GIMAP8: variants seen among roughly 807,000 people sequenced by gnomAD.
GIMAP8 encodes GTPase IMAP family member 8.
A neutral mutation model predicts 35.6 loss-of-function variants in GIMAP8; 29 were observed. That is an observed-to-expected ratio of 0.81 (90% CI 0.61 to 1.11). The LOEUF (loss-of-function observed/expected upper bound fraction) is 1.11, where lower values mean the gene tolerates loss of function less well. Ranked by LOEUF, GIMAP8 falls within the 50% of genes most tolerant of loss-of-function variation. The pLI is 0.00. For synonymous variants in GIMAP8, 335 were observed against 308.7 expected (o/e 1.09, Z -0.89); for missense variants, 811 against 805.0 (o/e 1.01, Z -0.09).
At chr7:150,455,662 T>G (rs1004966799) in intron 1 of GIMAP8, among the ~76,000 whole-genome samples, 3 of 152,218 alleles carry the variant, frequency 2.0e-5, no homozygotes, top group Non-Finnish European at 2.9e-5. Context: ...CCAGAGCTTG[T>G]TAAATTTGAA....
chr7:150,473,859 A>T (rs1323465420), intron 3 of GIMAP8, among the ~76,000 whole-genome samples, 153 bp from the exon 4 acceptor site: 1 of 152,066 alleles, frequency 6.6e-6, no homozygotes, highest in Non-Finnish European at 1.5e-5. Context: ...TTTCACCTTG[A>T]TGGAGAGCTT....
intron 1 of GIMAP8, among the ~76,000 whole-genome samples, chr7:150,458,162 G>A (rs928481265): frequency 2.0e-5 from 3 of 152,292 alleles, no homozygotes; most frequent in East Asian, 3.9e-4. Context: ...GTGTGTGTAT[G>A]TGTAAGATAC....
Position 150,477,818 on chromosome 7 carries a change from C to A in GIMAP8, c.*38C>A, listed in dbSNP as rs991443873. 2 of 1,538,856 alleles carry A rather than the reference C, an allele frequency of 1.3e-6. No individual in the cohort carries two copies. Among genetic ancestry groups the A allele is most frequent in the African/African-American group, 2.8e-5 (2 of 72,492 alleles). On this transcript the variant is annotated 3_prime_UTR_variant, in exon 5 of 5. Transcript: ENST00000307271. Reference sequence around the variant, plus strand: ...CCTGGGGTCTCTTCAATTAGAGACACCCTCAGGTTGGGGGGAGGGGCGGGG... The same window carrying A: ...CCTGGGGTCTCTTCAATTAGAGACAACCTCAGGTTGGGGGGAGGGGCGGGG...
Position 150,470,853 on chromosome 7 carries a change from CAA to C in GIMAP8, c.662_663del (p.Gln221ArgfsTer57), listed in dbSNP as rs1249871235. The C allele has an allele frequency of 6.4e-7, 1 of 1,562,926 alleles. No homozygotes were observed. Among genetic ancestry groups the C allele is most frequent in the Non-Finnish European group, 8.7e-7 (1 of 1,149,112 alleles). ...FQDCVNEAASQEGDKPQGPRE... is the reference protein window; with the variant it reads ...FQDCVNEAASXEGDKPQGPRE... ...GGATTGTGTGAATGAAGCTGCATCT[CAA>C]GAGGGAGACAAGCCACAGGGTAAGT... On this transcript the variant is annotated frameshift_variant, in exon 3 of 5. Coordinates refer to ENST00000307271, the MANE Select transcript of GIMAP8 (RefSeq NM_175571.4). LOFTEE classifies it high-confidence loss of function.
chr7:150,473,084 C>T (rs1802131779), intron 3 of GIMAP8, among the ~76,000 whole-genome samples: 1 of 152,168 alleles, frequency 6.6e-6, no homozygotes, highest in South Asian at 2.1e-4. Flanking sequence ...GATGCTGTGT[C>T]CATCCCACCT....
Position 150,477,451 on chromosome 7 carries a change from A to G in GIMAP8, c.1669A>G (p.Thr557Ala). 1 of 1,613,756 alleles carries G rather than the reference A, an allele frequency of 6.2e-7. No homozygotes were observed. The highest frequency in any genetic ancestry group is 8.5e-7 in the Non-Finnish European group (1 of 1,179,630). Residue 557 changes from threonine (T) to alanine (A), a missense_variant, in exon 5 of 5, where the codon ACG becomes GCG. Coordinates refer to ENST00000307271, the MANE Select transcript of GIMAP8 (RefSeq NM_175571.4). Reference sequence around the variant, plus strand: ...GGAGGCCATCTTTGGAGCAGACTTTACGAAATACGCGATTATGCTGTTCAC... The same window carrying G: ...GGAGGCCATCTTTGGAGCAGACTTTGCGAAATACGCGATTATGCTGTTCAC... Reference protein sequence around the residue: ...KLEAIFGADFTKYAIMLFTRK... With the variant: ...KLEAIFGADFAKYAIMLFTRK...
In GIMAP8 at chr7:150,467,043, G is replaced by C. The variant is rs770684528; in HGVS notation, c.345G>C (p.Lys115Asn). The change falls in exon 2 of 5, where the codon AAG (lysine) becomes AAC (asparagine). Residue 115 changes from lysine to asparagine, a missense_variant. Coordinates refer to ENST00000307271, the MANE Select transcript of GIMAP8 (RefSeq NM_175571.4). ...HFTREDEETA[K>N]GIQQVFGAEA... ...CAAGGGAGGATGAGGAAACAGCCAA[G>C]GGCATCCAACAAGTGTTTGGAGCTG... 1.2e-6 allele frequency: 2 copies of C among 1,614,094 alleles called. No individual in the cohort carries two copies. Among genetic ancestry groups the C allele is most frequent in the Non-Finnish European group, 1.7e-6 (2 of 1,180,036 alleles).
chr7:150,474,014 C>A lies in GIMAP8; in HGVS notation c.685C>A (p.Pro229Thr). 1 of 1,610,924 alleles carries A rather than the reference C, an allele frequency of 6.2e-7. No homozygotes were observed. The highest frequency in any genetic ancestry group is 8.5e-7 in the Non-Finnish European group (1 of 1,178,488). Residue 229 changes from proline to threonine, a missense_variant and splice_region_variant, in exon 4 of 5, where the codon CCA becomes ACA. By Grantham distance (38) the Pro-to-Thr change is conservative. Coordinates refer to ENST00000307271, the MANE Select transcript of GIMAP8 (RefSeq NM_175571.4). Reference protein sequence around the residue: ...ASQEGDKPQGPRERQLQSTGP... With the variant: ...ASQEGDKPQGTRERQLQSTGP... The stretch of plus-strand genomic sequence containing the variant: ...GAACCTGTCCATTTGTCCCACAGGC[C>A]CAAGGGAAAGGCAGCTGCAGTCCAC...
In GIMAP8 at chr7:150,451,609, C is replaced by G. The variant is rs182606735; in HGVS notation, c.-29+434C>G. On this transcript the variant is annotated intron_variant, in intron 1 of 4. Transcript: ENST00000307271. This position sits in a 1 kb window ranked among gnomAD's most constrained non-coding sequence, Gnocchi z 4.1. ...GAGACTGGCAGAAGGGAGGAAGAAG[C>G]AGGCGGAAGCAGCCGGTCAGATGCC... Among the ~76,000 whole-genome samples the G allele has an allele frequency of 6.6e-6, 1 of 152,268 alleles. No homozygotes were observed. Among genetic ancestry groups the G allele is most frequent in the East Asian group, 1.9e-4 (1 of 5,166 alleles).
intron 1 of GIMAP8, among the ~76,000 whole-genome samples, chr7:150,457,689 C>T (rs1291593877): frequency 2.0e-5 from 3 of 152,160 alleles, no homozygotes; most frequent in Non-Finnish European, 4.4e-5. Context: ...CACAGAAGGG[C>T]CAGTCCAAAT....
intron 1 of GIMAP8, among the ~76,000 whole-genome samples, chr7:150,458,050 C>T (rs1306618794): frequency 6.6e-6 from 1 of 152,232 alleles, no homozygotes; most frequent in Non-Finnish European, 1.5e-5. Context: ...CCACTTCTGT[C>T]TTGCTTAGAT....
At chr7:150,468,422 G>A (rs1246823808) in intron 2 of GIMAP8, among the ~76,000 whole-genome samples, 1 of 152,166 alleles carries the variant, frequency 6.6e-6, no homozygotes, top group Non-Finnish European at 1.5e-5. Context: ...GAGTGTGAGG[G>A]GGATGCTAGC....
intron 1 of GIMAP8, among the ~76,000 whole-genome samples, chr7:150,461,944 T>C (rs1425480987): frequency 6.6e-6 from 1 of 152,348 alleles, no homozygotes; most frequent in African/African-American, 2.4e-5. Flanking sequence ...GCAGGTGGGC[T>C]GAGTCCGAAA....
intron 4 of GIMAP8, among the ~76,000 whole-genome samples, chr7:150,476,662 T>C (rs1270714413): frequency 6.6e-6 from 1 of 152,192 alleles, no homozygotes; most frequent in Non-Finnish European, 1.5e-5. Flanking sequence ...TTAGCAGTAG[T>C]TGGGAGTGAG....
chr7:150,453,805 C>T (rs1014650395), intron 1 of GIMAP8, among the ~76,000 whole-genome samples: 13 of 118,800 alleles, frequency 1.1e-4, no homozygotes, highest in Admixed American at 7.5e-4. Context: ...GGGTACGGGG[C>T]GGGGGGCACA....
intron 3 of GIMAP8, among the ~76,000 whole-genome samples, chr7:150,471,806 C>T (rs112618402): frequency 2.6e-5 from 4 of 151,050 alleles, no homozygotes; most frequent in African/African-American, 9.7e-5. Flanking sequence ...CACTTTACCC[C>T]AGTCTGGGCA....
intron 2 of GIMAP8, among the ~76,000 whole-genome samples, chr7:150,468,609 T>C (rs538552485): frequency 1.3e-5 from 2 of 152,254 alleles, no homozygotes; most frequent in African/African-American, 4.8e-5. Flanking sequence ...ATTAAGCAGA[T>C]TGTAGAACAT....
In GIMAP8 at chr7:150,450,910, C is replaced by T. The variant is rs1026942366; in HGVS notation, c.-294C>T. On this transcript the variant is annotated 5_prime_UTR_variant, in exon 1 of 5. Transcript: ENST00000307271. This position sits in a 1 kb window ranked among gnomAD's most constrained non-coding sequence, Gnocchi z 4.4. ...CACCCAGGGAAGGCGCGTGTGTCCC[C>T]GATGCTGGCTCCTCCCTGAGCCCCG... 1 of 152,538 alleles carries T rather than the reference C, an allele frequency of 6.6e-6. No individual in the cohort carries two copies. Among genetic ancestry groups the T allele is most frequent in the African/African-American group, 2.4e-5 (1 of 41,480 alleles). The allele number at this position is 152,538 out of a possible 1,614,324, so 9.4% of individuals were successfully genotyped here. A position where few individuals can be genotyped will look rare whatever the true frequency, so the allele number is the denominator to read the frequency against.
At chr7:150,464,771 G>A (rs536337546) in intron 1 of GIMAP8, among the ~76,000 whole-genome samples, 3 of 152,174 alleles carry the variant, frequency 2.0e-5, no homozygotes, top group Non-Finnish European at 4.4e-5. Context: ...GCCACAGATG[G>A]AGCCAGATTG....
Sources: allele counts gnomAD v4.1 joint callset (sites outside exome capture counted in the v4.1 genomes callset), GRCh38; gene constraint gnomAD v4.1.1; non-coding constraint Gnocchi (gnomAD v3.1); transcripts MANE v1.5; gene names NCBI Gene and HGNC (gene_info 2026-07-23, HGNC 2026-07-21).